Variants in CD151 observed in about 807,000 individuals in gnomAD.
CD151 encodes CD151 antigen.
A neutral mutation model predicts 34.2 loss-of-function variants in CD151; 20 were observed. The observed-to-expected ratio is 0.58, with a 90% confidence interval of 0.41 to 0.85. CD151 has a LOEUF of 0.85. Ranked by LOEUF, CD151 falls within the 40% of genes least tolerant of loss-of-function variation. The probability of loss-of-function intolerance (pLI) is 0.00; values close to 1 mark genes in which losing one functional copy is unlikely to be tolerated. For missense variants in CD151, 306 were observed against 324.5 expected (o/e 0.94, Z 0.44); for synonymous variants, 157 against 131.7 (o/e 1.19, Z -1.32).
chr11:837,278 A>AG lies in CD151; in HGVS notation c.382dup (p.Asp128GlyfsTer13), dbSNP rs1565118389. The AG allele has an allele frequency of 1.2e-6, 2 of 1,613,076 alleles. No homozygotes were observed. Among genetic ancestry groups the AG allele is most frequent in the South Asian group, 1.1e-5 (1 of 91,082 alleles). ...AACACGGAGCTCAAGGAGAACCTGA[A>AG]GGACACCATGACCAAGCGCTACCAC... is the stretch of plus-strand genomic sequence containing the variant. On this transcript the variant is annotated frameshift_variant, in exon 6 of 9. Transcript: ENST00000397420. LOFTEE classifies it high-confidence loss of function.
At chr11:836,465 G>C in intron 4 of CD151, 23 bp downstream of exon 4, 1 of 1,565,030 alleles carries the variant, frequency 6.4e-7, no homozygotes, top group East Asian at 2.3e-5. Context: ...CAGGGCCACG[G>C]GGTGGGGGTG....
At chr11:836,933 C>A in intron 5 of CD151, 90 bp downstream of exon 5, 1 of 1,131,286 alleles carries the variant, frequency 8.8e-7, no homozygotes, top group East Asian at 2.5e-5. Flanking sequence ...AGCCCCAACC[C>A]CCACCCCCAT....
rs1197219063 is a variant in CD151 at position 836,910 on chromosome 11, C to T, written c.351+67C>T. 2.2e-6 allele frequency: 3 copies of T among 1,395,242 alleles called. No individual in the cohort carries two copies. The African/African-American group carries it at 4.2e-5, about 20-fold the overall frequency. The allele number at this position is 1,395,242 out of a possible 1,614,324, so 86.4% of individuals were successfully genotyped here. ...CAGGCGGGGCGGACACACACACATG[C>T]ACACGCGTGGCTAGCCCCAACCCCC... On this transcript the variant is annotated intron_variant, in intron 5 of 8. Coordinates refer to ENST00000397420, the MANE Select transcript of CD151 (RefSeq NM_004357.5).
intron 3 of CD151, 37 bp downstream of exon 3, chr11:836,190 A>AC: frequency 3.6e-6 from 3 of 837,866 alleles, no homozygotes; most frequent in Non-Finnish European, 5.6e-6. Context: ...CCCCACCCCC[A>AC]CCCCTCCCGG....
chr11:838,205 C>G lies in CD151; in HGVS notation c.*13C>G. 1 of 1,609,948 alleles carries G rather than the reference C, an allele frequency of 6.2e-7. No homozygotes were observed. The highest frequency in any genetic ancestry group is 8.5e-7 in the Non-Finnish European group (1 of 1,177,106). On this transcript the variant is annotated 3_prime_UTR_variant, in exon 9 of 9. Coordinates refer to ENST00000397420, the MANE Select transcript of CD151 (RefSeq NM_004357.5). ...GGAGCACTACTGACCCTGCCTTGGG[C>G]CTTGCTGCTGCTGCACCCAACTACT...
Position 837,331 on chromosome 11 carries a change from G to A in CD151, c.433G>A (p.Ala145Thr), listed in dbSNP as rs560834839. Reference protein sequence around the residue: ...HQPGHEAVTSAVDQLQQEFHC... With the variant: ...HQPGHEAVTSTVDQLQQEFHC... ...GCCGGGCCATGAGGCTGTGACCAGC[G>A]CTGTGGACCAGCTGCAGCAGGAGGT... The change falls in exon 6 of 9, where the codon GCT becomes ACT. Residue 145 changes from alanine (A) to threonine (T), a missense_variant. Physicochemically the swap from Ala to Thr is moderately conservative, Grantham distance 58. Transcript: ENST00000397420. The A allele has an allele frequency of 4.6e-5, 74 of 1,612,854 alleles. No homozygotes were observed. The South Asian group carries it at 5.7e-4, about 12-fold the overall frequency.
At position 836,135 on chromosome 11, in the gene CD151, C is replaced by T. The variant is rs757673547; in HGVS notation, c.66C>T (p.Thr22=). 6.2e-7 allele frequency: 1 copy of T among 1,612,602 alleles called. No individual in the cohort carries two copies. The highest frequency in any genetic ancestry group is 8.5e-7 in the Non-Finnish European group (1 of 1,179,584). Residue 22 remains threonine (T), a synonymous_variant, in exon 3 of 9, where the codon ACC becomes ACT. Coordinates refer to ENST00000397420, the MANE Select transcript of CD151 (RefSeq NM_004357.5). ...GTVCLKYLLF[T]YNCCFWLAGL... is the part of the protein sequence containing the mutation. Reference sequence around the variant, plus strand: ...TTTGCCTCAAGTACCTGCTGTTTACCTACAATTGCTGCTTCTGGGTGAGGA... The same window carrying T: ...TTTGCCTCAAGTACCTGCTGTTTACTTACAATTGCTGCTTCTGGGTGAGGA...
rs770245346 is a variant in CD151 at position 837,998 on chromosome 11, G to A, written c.672G>A (p.Gly224=). 2.5e-6 allele frequency: 4 copies of A among 1,613,402 alleles called. No individual in the cohort carries two copies. In the African/African-American group the frequency reaches 5.3e-5, roughly 22 times the overall value. ...TCCAGGAGCACCTGAGGGTCATTGGGGCTGTGGGGATCGGCATTGCCTGTG... is the reference window on the plus strand; with the variant it reads ...TCCAGGAGCACCTGAGGGTCATTGGAGCTGTGGGGATCGGCATTGCCTGTG... The part of the protein sequence containing the change: ...TFIQEHLRVI[G]AVGIGIACVQ... The change falls in exon 8 of 9, where the codon GGG becomes GGA. Residue 224 remains glycine (G), a synonymous_variant. Transcript: ENST00000397420.
Position 836,157 on chromosome 11 carries a change from AGGAG to A in CD151, c.84+7_84+10del. On this transcript the variant is annotated splice_donor_5th_base_variant and intron_variant, in intron 3 of 8. Coordinates refer to ENST00000397420, the MANE Select transcript of CD151 (RefSeq NM_004357.5). Reference sequence around the variant, plus strand: ...TACCTACAATTGCTGCTTCTGGGTGAGGAGGGGTCGCCTTGCCCCCACCCCCACC... The same window carrying A: ...TACCTACAATTGCTGCTTCTGGGTGAGGGTCGCCTTGCCCCCACCCCCACC... The A allele has an allele frequency of 6.2e-7, 1 of 1,610,858 alleles. No homozygotes were observed. Among genetic ancestry groups the A allele is most frequent in the Non-Finnish European group, 8.5e-7 (1 of 1,178,278 alleles).
chr11:835,888 C>T (rs552970930), intron 2 of CD151, 175 bp from the exon 3 acceptor site: 56 of 584,800 alleles, frequency 9.6e-5, no homozygotes, highest in South Asian at 2.7e-4. Flanking sequence ...GGGGTTTCAC[C>T]GTGTTAGCCA....
At chr11:836,559 T>A in intron 4 of CD151, 117 bp downstream of exon 4, 1 of 872,814 alleles carries the variant, frequency 1.1e-6, no homozygotes, top group Non-Finnish European at 1.8e-6. Context: ...GTCACGGTCC[T>A]TCCACACCTG....
Position 836,936 on chromosome 11 carries a change from A to AC in CD151, c.351+98dup, listed in dbSNP as rs1024120527. On this transcript the variant is annotated intron_variant, in intron 5 of 8. Transcript: ENST00000397420. ...ACACGCGTGGCTAGCCCCAACCCCC[A>AC]CCCCCATGGTCCCAGAGCTAACCAA... 28 of 1,089,850 alleles carry AC rather than the reference A, an allele frequency of 2.6e-5. No homozygotes were observed. In the African/African-American group the frequency reaches 3.9e-4, roughly 15 times the overall value. The allele number at this position is 1,089,850 out of a possible 1,614,324, so 67.5% of individuals were successfully genotyped here.
intron 7 of CD151, 99 bp from the exon 8 acceptor site, chr11:837,843 C>A: frequency 1.0e-6 from 1 of 981,248 alleles, no homozygotes; most frequent in Non-Finnish European, 1.5e-6. Flanking sequence ...TGCCTAGGTG[C>A]TAGGGGTGGG....
In CD151 at chr11:837,574, C is replaced by G; in HGVS notation, c.571C>G (p.Leu191Val). ...CAGCTGCTGCAAGACGGTGGTGGCT[C>G]TTTGTGGGCAGCGAGACCATGCCTC... ...PDSCCKTVVALCGQRDHASNI... is the reference protein window; with the variant it reads ...PDSCCKTVVAVCGQRDHASNI... Residue 191 changes from leucine to valine, a missense_variant, in exon 7 of 9, where the codon CTT becomes GTT. By Grantham distance (32) the Leu-to-Val change is conservative. Transcript: ENST00000397420. 6.2e-7 allele frequency: 1 copy of G among 1,613,052 alleles called. No homozygotes were observed. Among genetic ancestry groups the G allele is most frequent in the Non-Finnish European group, 8.5e-7 (1 of 1,179,948 alleles).
intron 4 of CD151, 75 bp from the exon 5 acceptor site, chr11:836,694 G>T: frequency 2.8e-6 from 4 of 1,436,480 alleles, no homozygotes; most frequent in Non-Finnish European, 3.9e-6. Flanking sequence ...GCCGGGGTGG[G>T]GACTCTGCTC....
At position 834,576 on chromosome 11, in the gene CD151, G is replaced by C. The variant is rs1846679901; in HGVS notation, c.-23G>C. 6.6e-6 allele frequency: 1 copy of C among 152,654 alleles called. No homozygotes were observed. Among genetic ancestry groups the C allele is most frequent in the Non-Finnish European group, 1.5e-5 (1 of 68,420 alleles). The allele number at this position is 152,654 out of a possible 1,614,324, so 9.5% of individuals were successfully genotyped here. On this transcript the variant is annotated 5_prime_UTR_variant, in exon 2 of 9. Transcript: ENST00000397420. Reference sequence around the variant, plus strand: ...TGTCCACCTGTCCTGCAGAGGAGTCGTTTCCAGCCCGGCTGGTGAGTGCTG... The same window carrying C: ...TGTCCACCTGTCCTGCAGAGGAGTCCTTTCCAGCCCGGCTGGTGAGTGCTG...
Position 838,556 on chromosome 11 carries a change from A to G in CD151, c.*364A>G. On this transcript the variant is annotated 3_prime_UTR_variant, in exon 9 of 9. Coordinates refer to ENST00000397420, the MANE Select transcript of CD151 (RefSeq NM_004357.5). ...GGAACTGGGGCCTTGCCTTGCAGCC[A>G]CATGGCCCCATCCCAGTTGGGGAAG... 1 of 349,670 alleles carries G rather than the reference A, an allele frequency of 2.9e-6. No individual in the cohort carries two copies. The highest frequency in any genetic ancestry group is 5.3e-6 in the Non-Finnish European group (1 of 187,388). The allele number at this position is 349,670 out of a possible 1,614,324, so 21.7% of individuals were successfully genotyped here.
rs1167841809 is a variant in CD151, at chr11:833,815, C to CA, written c.-69-714dup. 1.0e-3 allele frequency among the ~76,000 whole-genome samples: 94 copies of CA among 92,242 alleles called. 1 individual carries two copies. The highest frequency in any genetic ancestry group is 1.1e-3 in the Non-Finnish European group (45 of 39,616). The allele number at this position is 92,242 out of a possible 152,430, so 60.5% of individuals were successfully genotyped here. On this transcript the variant is annotated intron_variant, in intron 1 of 8. Transcript: ENST00000397420. ...CATCCCCCCATCGGTGGCAGACGCA[C>CA]ACCCCGCCCCCCGGTGGCAGACACA...
In CD151 at chr11:832,979, CGCA is replaced by C. The variant is rs1846565288; in HGVS notation, c.-114_-112del. On this transcript the variant is annotated 5_prime_UTR_variant, in exon 1 of 9. Coordinates refer to ENST00000397420, the MANE Select transcript of CD151 (RefSeq NM_004357.5). ...TCTCAGCGCTGGGAGCCGCCGCCCC[CGCA>C]GCTGCTGCCGCCGCCGCCAGGGCCC... 7.0e-5 allele frequency: 5 copies of C among 71,866 alleles called. No individual in the cohort carries two copies. The highest frequency in any genetic ancestry group is 3.3e-4 in the Admixed American group (2 of 6,034). The allele number at this position is 71,866 out of a possible 1,614,324, so 4.5% of individuals were successfully genotyped here.
Sources: gnomAD v4.1 joint callset for allele counts (sites outside exome capture counted in the v4.1 genomes callset) on GRCh38, gnomAD v4.1.1 for gene constraint, MANE v1.5 for transcripts, NCBI Gene and HGNC (gene_info 2026-07-23, HGNC 2026-07-21) for gene names.